Variants in DCP1A observed in about 807,000 individuals in gnomAD.
DCP1A encodes mRNA-decapping enzyme 1A.
Under a neutral mutation model 58.0 loss-of-function variants are expected in DCP1A, and 20 were observed. The ratio of observed to expected loss-of-function variants is 0.34; its 90% CI spans 0.24 to 0.50. The LOEUF (loss-of-function observed/expected upper bound fraction) is 0.50, where lower values mean the gene tolerates loss of function less well. DCP1A is among the 20% of genes least tolerant of loss of function. The probability of loss-of-function intolerance (pLI) is 0.98; values close to 1 mark genes in which losing one functional copy is unlikely to be tolerated. For missense variants in DCP1A, 613 were observed against 712.2 expected, an observed-to-expected ratio of 0.86 and a Z score of 1.59; for synonymous variants, 285 against 275.1, an observed-to-expected ratio of 1.04 and a Z score of -0.36.
At chr3:53,288,747 C>A (rs1175535066) in intron 8 of DCP1A, among the ~76,000 whole-genome samples, 1 of 152,126 alleles carries the variant, frequency 6.6e-6, no homozygotes, top group African/African-American at 2.4e-5. Context: ...TAAAAATCTG[C>A]ATGTTTTGGC....
intron 3 of DCP1A, among the ~76,000 whole-genome samples, chr3:53,334,492 C>G (rs2089076314): frequency 6.6e-6 from 1 of 151,902 alleles, no homozygotes; most frequent in Non-Finnish European, 1.5e-5. Flanking sequence ...GTTAAAATAT[C>G]CTATTTATGT....
chr3:53,335,008 T>G (rs2106884028), intron 3 of DCP1A, among the ~76,000 whole-genome samples: 1 of 152,128 alleles, frequency 6.6e-6, no homozygotes, highest in African/African-American at 2.4e-5. Context: ...TAACTGGTGT[T>G]CCTTTGTAAA....
chr3:53,295,827 A>ATT lies in DCP1A; in HGVS notation c.625-3001_625-3000insAA, dbSNP rs1459158462. Among the ~76,000 whole-genome samples, 12 of 152,200 alleles carry ATT rather than the reference A, an allele frequency of 7.9e-5. No individual in the cohort carries two copies. The South Asian group carries it at 8.3e-4, about 11-fold the overall frequency. On this transcript the variant is annotated intron_variant, in intron 6 of 9. Transcript: ENST00000610213. ...GTTGTGAAAATTAAATTCTCAATAT[A>ATT]ATGTCTGGTGCCCAAAAAGCATTAA...
chr3:53,303,844 C>A (rs1707383212), intron 6 of DCP1A, among the ~76,000 whole-genome samples: 1 of 152,148 alleles, frequency 6.6e-6, no homozygotes, highest in Admixed American at 6.6e-5. Context: ...CTGTCATGAT[C>A]CTGGCTATGA....
chr3:53,313,398 AAC>A (rs1442306047), intron 4 of DCP1A, among the ~76,000 whole-genome samples: 2 of 151,892 alleles, frequency 1.3e-5, no homozygotes, highest in Non-Finnish European at 2.9e-5. Flanking sequence ...CAGCCTGGGT[AAC>A]AGAGTGAGAC....
At chr3:53,321,662 TGAGTC>T (rs1281155130) in intron 3 of DCP1A, among the ~76,000 whole-genome samples, 2 of 152,186 alleles carry the variant, frequency 1.3e-5, no homozygotes, top group African/African-American at 4.8e-5. Flanking sequence ...GAGGTTGCAG[TGAGTC>T]GAGATTGCAC....
chr3:53,335,260 C>T (rs1172586506), intron 3 of DCP1A, among the ~76,000 whole-genome samples: 1 of 152,034 alleles, frequency 6.6e-6, no homozygotes, highest in Non-Finnish European at 1.5e-5. Flanking sequence ...CCTGCCTCAG[C>T]CTCCTGAGTA....
Position 53,283,842 on chromosome 3 carries a change from A to G in DCP1A, c.*3738T>C, listed in dbSNP as rs983307916. 4 of 152,252 alleles carry G rather than the reference A, an allele frequency of 2.6e-5. No individual in the cohort carries two copies. The highest frequency in any genetic ancestry group is 9.6e-5 in the African/African-American group (4 of 41,468). The allele number at this position is 152,252 out of a possible 1,614,324, so 9.4% of individuals were successfully genotyped here. ...ATGATATTGCATCTTAGCATTTTAA[A>G]TGAAGGTGTCAAATACAAAACGGAG... On this transcript the variant is annotated 3_prime_UTR_variant, in exon 10 of 10. Transcript: ENST00000610213.
chr3:53,346,608 G>C (rs1202425349), intron 1 of DCP1A, among the ~76,000 whole-genome samples: 1 of 152,166 alleles, frequency 6.6e-6, no homozygotes, highest in African/African-American at 2.4e-5. Flanking sequence ...TTCAAGCAGG[G>C]GCTAACAAGA....
At chr3:53,308,484 A>G (rs1707541427) in intron 5 of DCP1A, among the ~76,000 whole-genome samples, 1 of 152,000 alleles carries the variant, frequency 6.6e-6, no homozygotes. Flanking sequence ...TAGAGATGGG[A>G]TCTCATTATA....
intron 1 of DCP1A, among the ~76,000 whole-genome samples, chr3:53,345,880 G>A (rs1207178875): frequency 6.6e-6 from 1 of 152,012 alleles, no homozygotes; most frequent in Non-Finnish European, 1.5e-5. Flanking sequence ...AAGAAAATTT[G>A]CCCACCAAAA....
At chr3:53,302,473 AC>A (rs1407433533) in intron 6 of DCP1A, among the ~76,000 whole-genome samples, 2 of 152,214 alleles carry the variant, frequency 1.3e-5, no homozygotes, top group Non-Finnish European at 2.9e-5. Flanking sequence ...AAACAAAAAA[AC>A]AAAACTGTTT....
chr3:53,335,655 C>G (rs1553691821), intron 3 of DCP1A, among the ~76,000 whole-genome samples: 1 of 152,092 alleles, frequency 6.6e-6, no homozygotes, highest in African/African-American at 2.4e-5. Context: ...TTTTTGGATA[C>G]ATTCTGGATT....
chr3:53,313,417 T>C (rs1417148487), intron 4 of DCP1A, among the ~76,000 whole-genome samples: 2 of 141,772 alleles, frequency 1.4e-5, no homozygotes, highest in African/African-American at 5.2e-5. Flanking sequence ...AGACCTTGAC[T>C]CCAAAAAAAA....
Position 53,292,277 on chromosome 3 carries a change from A to G in DCP1A, c.1175T>C (p.Val392Ala), listed in dbSNP as rs775840977. 1 of 1,613,978 alleles carries G rather than the reference A, an allele frequency of 6.2e-7. No homozygotes were observed. Among genetic ancestry groups the G allele is most frequent in the Non-Finnish European group, 8.5e-7 (1 of 1,179,882 alleles). Residue 392 changes from valine to alanine, a missense_variant, in exon 7 of 10, where the codon GTT (valine) becomes GCT (alanine). Around this residue, in one of 3 missense-constraint regions of DCP1A, gnomAD observed 498 missense variants for 556.7 expected, o/e 0.89. Transcript: ENST00000610213. ...TNTAGTSLPS[V>A]DLLQKLRLTP... ...CAACCTGAGTTTCTGGAGAAGATCA[A>G]CGCTTGGGAGGGATGTGCCAGCTGT... is the stretch of plus-strand genomic sequence containing the variant.
At chr3:53,324,673 T>C (rs1227286406) in intron 3 of DCP1A, among the ~76,000 whole-genome samples, 1 of 152,184 alleles carries the variant, frequency 6.6e-6, no homozygotes, top group Admixed American at 6.5e-5. Flanking sequence ...CTACCACACA[T>C]TGTGACTGCT....
At chr3:53,328,032 A>C (rs191205150) in intron 3 of DCP1A, among the ~76,000 whole-genome samples, 6 of 152,164 alleles carry the variant, frequency 3.9e-5, no homozygotes, top group Non-Finnish European at 8.8e-5. Context: ...AGGCAGAAGA[A>C]TCACTTGAAC....
At chr3:53,294,493 G>A (rs1005425459) in intron 6 of DCP1A, among the ~76,000 whole-genome samples, 11 of 152,196 alleles carry the variant, frequency 7.2e-5, no homozygotes, top group Non-Finnish European at 4.4e-5. Context: ...ATGTCTGGAG[G>A]TCTCTGTGGG....
In DCP1A at chr3:53,306,928, GTTCT is replaced by G. The variant is rs1267068634; in HGVS notation, c.511-2642_511-2639del. Among the ~76,000 whole-genome samples, 4 of 139,408 alleles carry G rather than the reference GTTCT, an allele frequency of 2.9e-5. No individual in the cohort carries two copies. In the South Asian group the frequency reaches 9.0e-4, roughly 32 times the overall value. 91.5% of individuals were successfully genotyped at this position (139,408 alleles called of 152,430 possible). ...CTTCACCAACCATGTTGCCCAGGCT[GTTCT>G]TTTTTTTTTTTTTTTTTTTTTGTGG... On this transcript the variant is annotated intron_variant, in intron 5 of 9. Coordinates refer to ENST00000610213, the MANE Select transcript of DCP1A (RefSeq NM_018403.7).
Sources: gnomAD v4.1 joint callset for allele counts (sites outside exome capture counted in the v4.1 genomes callset) on GRCh38, gnomAD v4.1.1 for gene constraint, gnomAD v4.1.1 regional missense constraint, MANE v1.5 for transcripts, NCBI Gene and HGNC (gene_info 2026-07-23, HGNC 2026-07-21) for gene names.